PPARGC1A: variants seen among roughly 807,000 people sequenced by gnomAD.
The protein encoded by PPARGC1A is peroxisome proliferator-activated receptor gamma coactivator 1-alpha.
A neutral mutation model predicts 88.7 loss-of-function variants in PPARGC1A; 25 were observed. The ratio of observed to expected loss-of-function variants is 0.28; its 90% CI spans 0.21 to 0.39. The LOEUF (loss-of-function observed/expected upper bound fraction) is 0.39, where lower values mean the gene tolerates loss of function less well. Ranked by LOEUF, PPARGC1A falls within the 10% of genes least tolerant of loss-of-function variation. The pLI is 1.00. For missense variants in PPARGC1A, 880 were observed against 968.7 expected, an observed-to-expected ratio of 0.91 and a Z score of 1.22; for synonymous variants, 363 against 355.6, an observed-to-expected ratio of 1.02 and a Z score of -0.24.
chr4:24,404,767 AG>A, the PPARGC1A span, among the ~76,000 whole-genome samples: 22 of 152,318 alleles, frequency 1.4e-4, no homozygotes, highest in East Asian at 4.1e-3. Context: ...AGAAGCCAAA[AG>A]TCCTTTTCTT....
chr4:24,117,310 G>A, the PPARGC1A span, among the ~76,000 whole-genome samples: 1 of 152,092 alleles, frequency 6.6e-6, no homozygotes, highest in African/African-American at 2.4e-5. Context: ...TACCAACACT[G>A]TCTGGTGGCT....
the PPARGC1A span, among the ~76,000 whole-genome samples, chr4:24,113,910 G>A: frequency 2.0e-5 from 3 of 151,960 alleles, no homozygotes; most frequent in African/African-American, 7.2e-5. Flanking sequence ...GATCACTTGA[G>A]GTCAGGAGTT....
intron 2 of PPARGC1A, among the ~76,000 whole-genome samples, chr4:23,873,678 C>T (rs1714063640): frequency 7.9e-5 from 12 of 152,106 alleles, no homozygotes; most frequent in Admixed American, 7.9e-4. Context: ...TCATTATTTC[C>T]TAATGCTCTA....
intron 2 of PPARGC1A, among the ~76,000 whole-genome samples, chr4:23,852,181 C>G (rs1729413373): frequency 6.6e-6 from 1 of 152,170 alleles, no homozygotes; most frequent in Non-Finnish European, 1.5e-5. Flanking sequence ...CTTTCTAGCT[C>G]AAGTTTCAAA....
At chr4:24,084,725 T>A in the PPARGC1A span, among the ~76,000 whole-genome samples, 1 of 152,168 alleles carries the variant, frequency 6.6e-6, no homozygotes, top group East Asian at 1.9e-4. Flanking sequence ...AAACATTTCG[T>A]CCTCCTTGAT....
chr4:24,393,785 TA>T, the PPARGC1A span, among the ~76,000 whole-genome samples: 5 of 152,242 alleles, frequency 3.3e-5, no homozygotes, highest in Non-Finnish European at 5.9e-5. Context: ...ACTCCATTTT[TA>T]CTGAAATAGT....
At chr4:23,836,878 A>C (rs1726115585) in intron 2 of PPARGC1A, among the ~76,000 whole-genome samples, 1 of 152,170 alleles carries the variant, frequency 6.6e-6, no homozygotes, top group African/African-American at 2.4e-5. Flanking sequence ...AATCCACTAA[A>C]TTAAGGAGGA....
chr4:24,288,890 A>C, the PPARGC1A span, among the ~76,000 whole-genome samples: 1 of 152,138 alleles, frequency 6.6e-6, no homozygotes, highest in Non-Finnish European at 1.5e-5. Flanking sequence ...TTTGCTGACC[A>C]AGACTTGTAC....
the PPARGC1A span, among the ~76,000 whole-genome samples, chr4:24,326,642 G>A: frequency 9.2e-5 from 14 of 152,148 alleles, no homozygotes; most frequent in East Asian, 1.2e-3. Context: ...TACCTATCTC[G>A]GCATAATTCT....
chr4:24,209,188 A>G, the PPARGC1A span, among the ~76,000 whole-genome samples: 1 of 152,158 alleles, frequency 6.6e-6, no homozygotes, highest in East Asian at 1.9e-4. Flanking sequence ...TGGTTGGCCA[A>G]CCTCAGGAGC....
the PPARGC1A span, among the ~76,000 whole-genome samples, chr4:24,169,335 T>A: frequency 6.6e-6 from 1 of 152,188 alleles, no homozygotes; most frequent in South Asian, 2.1e-4. Flanking sequence ...GGGTCCTGGA[T>A]GGGATCCCAG....
At chr4:24,338,069 T>C in the PPARGC1A span, among the ~76,000 whole-genome samples, 2 of 152,154 alleles carry the variant, frequency 1.3e-5, no homozygotes, top group Non-Finnish European at 2.9e-5. Flanking sequence ...CATTTGGCTA[T>C]AAAATTTGTT....
At chr4:24,030,169 A>T in the PPARGC1A span, among the ~76,000 whole-genome samples, 1 of 152,254 alleles carries the variant, frequency 6.6e-6, no homozygotes, top group African/African-American at 2.4e-5. Flanking sequence ...TTTAACAAAC[A>T]CAGCCAGTAT....
the PPARGC1A span, among the ~76,000 whole-genome samples, chr4:24,137,218 C>T: frequency 6.6e-6 from 1 of 151,652 alleles, no homozygotes; most frequent in African/African-American, 2.4e-5. Context: ...GACACAGACA[C>T]ACAGAAGGAT....
At chr4:24,084,460 G>C in the PPARGC1A span, among the ~76,000 whole-genome samples, 10 of 152,196 alleles carry the variant, frequency 6.6e-5, no homozygotes, top group Non-Finnish European at 1.0e-4. Context: ...CCACCTCCGG[G>C]GAGGAGAAAG....
At chr4:23,937,287 G>A in the PPARGC1A span, among the ~76,000 whole-genome samples, 2 of 151,982 alleles carry the variant, frequency 1.3e-5, no homozygotes, top group Non-Finnish European at 2.9e-5. Flanking sequence ...CACCAACATA[G>A]GGAGCTGATT....
At chr4:23,866,943 G>A (rs1712145007) in intron 2 of PPARGC1A, among the ~76,000 whole-genome samples, 1 of 152,164 alleles carries the variant, frequency 6.6e-6, no homozygotes, top group African/African-American at 2.4e-5. Flanking sequence ...GTGCAATGTA[G>A]ACGGGACTTG....
chr4:24,290,257 G>A, the PPARGC1A span, among the ~76,000 whole-genome samples: 1 of 151,950 alleles, frequency 6.6e-6, no homozygotes, highest in Non-Finnish European at 1.5e-5. Context: ...GGGTATAGGT[G>A]GTGTTTGGTT....
intron 4 of PPARGC1A, 114 bp downstream of exon 4, chr4:23,829,349 T>C (rs991605236): frequency 8.8e-7 from 1 of 1,138,048 alleles, no homozygotes; most frequent in Non-Finnish European, 1.3e-6. Context: ...TTCATCATTA[T>C]GAGGCAGCTT....
Sources: allele counts gnomAD v4.1 joint callset (sites outside exome capture counted in the v4.1 genomes callset), GRCh38; gene constraint gnomAD v4.1.1; transcripts MANE v1.5; gene names NCBI Gene and HGNC (gene_info 2026-07-23, HGNC 2026-07-21).